RP1L1: variants seen among roughly 807,000 people sequenced by gnomAD.
The protein encoded by RP1L1 is RP1 like 1.
A neutral mutation model predicts 15.7 loss-of-function variants in RP1L1; 27 were observed. That is an observed-to-expected ratio of 1.72 (90% confidence interval 1.27 to 2.38). The LOEUF (loss-of-function observed/expected upper bound fraction) is 2.38, where lower values mean the gene tolerates loss of function less well. RP1L1 is among the 30% of genes most tolerant of loss of function. The probability of loss-of-function intolerance (pLI) is 0.00; values close to 1 mark genes in which losing one functional copy is unlikely to be tolerated. For synonymous variants in RP1L1, 1,813 were observed against 1,276.7 expected (o/e 1.42, Z -8.96); for missense variants, 4,798 against 3,075.9 (o/e 1.56, Z -13.24).
chr8:10,643,347 A>G (rs1335711789), intron 1 of RP1L1, among the ~76,000 whole-genome samples: 1 of 152,106 alleles, frequency 6.6e-6, no homozygotes, highest in Non-Finnish European at 1.5e-5. Flanking sequence ...CTAGAAAAAA[A>G]AATTGTTTTA....
Position 10,610,391 on chromosome 8 carries a change from T to C in RP1L1, c.3707A>G (p.Asn1236Ser). ...QGTELPLKTS[N>S]QRPDSRTYES... The stretch of plus-strand genomic sequence containing the variant: ...ATAAGTTCTTGAATCAGGCCTCTGG[T>C]TGGAGGTTTTCAGGGGCAGCTCTGT... The change falls in exon 4 of 4, where the codon AAC becomes AGC. Residue 1236 changes from asparagine to serine, a missense_variant. Physicochemically the swap from Asn to Ser is conservative, Grantham distance 46 (BLOSUM62 1). Coordinates refer to ENST00000382483, the MANE Select transcript of RP1L1 (RefSeq NM_178857.6). The C allele has an allele frequency of 6.2e-7, 1 of 1,614,044 alleles. No homozygotes were observed.
At chr8:10,624,918 C>T (rs1301627329) in intron 1 of RP1L1, among the ~76,000 whole-genome samples, 1 of 152,156 alleles carries the variant, frequency 6.6e-6, no homozygotes, top group Non-Finnish European at 1.5e-5. Context: ...CAGCAAGCAC[C>T]TCACCTTCAG....
intron 1 of RP1L1, among the ~76,000 whole-genome samples, chr8:10,626,378 C>T (rs144225033): frequency 6.6e-5 from 10 of 152,260 alleles, no homozygotes; most frequent in Admixed American, 2.0e-4. Flanking sequence ...CGCGGATCAC[C>T]GAAAGAAGCC....
chr8:10,623,456 G>C lies in RP1L1; in HGVS notation c.-19-236C>G, dbSNP rs181095924. Among the ~76,000 whole-genome samples, 359 of 152,168 alleles carry C rather than the reference G, an allele frequency of 2.4e-3. 3 individuals carry two copies. The highest frequency in any genetic ancestry group is 2.5e-3 in the Non-Finnish European group (167 of 68,002). On this transcript the variant is annotated intron_variant, in intron 1 of 3. Coordinates refer to ENST00000382483, the MANE Select transcript of RP1L1 (RefSeq NM_178857.6). ...TGCTTGAGCTCAGGAGTTTGAGGCT[G>C]TCCCCAGCATTACCATGTTCCCACC...
chr8:10,638,782 C>T (rs1390367308), intron 1 of RP1L1, among the ~76,000 whole-genome samples: 1 of 152,098 alleles, frequency 6.6e-6, no homozygotes, highest in Non-Finnish European at 1.5e-5. Context: ...CCATTTGCTG[C>T]CCAGTGGATC....
chr8:10,619,242 A>G (rs1025238784), intron 2 of RP1L1, among the ~76,000 whole-genome samples: 3 of 152,228 alleles, frequency 2.0e-5, no homozygotes, highest in Non-Finnish European at 4.4e-5. Flanking sequence ...TAAATGCGAA[A>G]TAAGTCCCAC....
intron 1 of RP1L1, among the ~76,000 whole-genome samples, chr8:10,629,453 T>C (rs187981873): frequency 2.6e-5 from 4 of 152,286 alleles, no homozygotes; most frequent in Admixed American, 2.6e-4. Context: ...TCGATTTCTT[T>C]GGGGTGGTCC....
intron 1 of RP1L1, among the ~76,000 whole-genome samples, chr8:10,624,107 G>T (rs1246564149): frequency 2.0e-5 from 3 of 152,212 alleles, no homozygotes; most frequent in Non-Finnish European, 1.5e-5. Flanking sequence ...AAACGTGGAA[G>T]GTTTTCTTCT....
In RP1L1 at chr8:10,623,269, G is replaced by A. The variant is rs1025535471; in HGVS notation, c.-19-49C>T. The A allele has an allele frequency of 7.2e-6, 10 of 1,392,538 alleles. No homozygotes were observed. The East Asian group carries it at 2.1e-4, about 29-fold the overall frequency. 86.3% of individuals were successfully genotyped at this position (1,392,538 alleles called of 1,614,324 possible). A position where few individuals can be genotyped will look rare whatever the true frequency, so the allele number is the denominator to read the frequency against. Reference sequence around the variant, plus strand: ...GGTCAGAGAGCAGCTTGGGGGATTGGCATTTCCTGTCTCTTCCCGTCTTTC... The same window carrying A: ...GGTCAGAGAGCAGCTTGGGGGATTGACATTTCCTGTCTCTTCCCGTCTTTC... On this transcript the variant is annotated intron_variant, in intron 1 of 3. Transcript: ENST00000382483.
rs781205150 is a variant in RP1L1 at position 10,610,834 on chromosome 8, C to A, written c.3264G>T (p.Ala1088=). 2.5e-6 allele frequency: 4 copies of A among 1,607,402 alleles called. No individual in the cohort carries two copies. Among genetic ancestry groups the A allele is most frequent in the Admixed American group, 1.7e-5 (1 of 59,738 alleles). ...GCCGGCCCTGCTTGGAGCCCATCAG[C>A]GCCCTCATGATCTGCGTGGAGGCAG... is the stretch of plus-strand genomic sequence containing the variant. ...RVSASTQIMR[A]LMGSKQGRPS... The change falls in exon 4 of 4, where the codon GCG becomes GCT. Residue 1088 remains alanine, a synonymous_variant. Coordinates refer to ENST00000382483, the MANE Select transcript of RP1L1 (RefSeq NM_178857.6).
chr8:10,623,318 A>G, intron 1 of RP1L1, 98 bp from the exon 2 acceptor site: 2 of 892,806 alleles, frequency 2.2e-6, no homozygotes, highest in Non-Finnish European at 1.7e-6. Flanking sequence ...TGCCCACCCC[A>G]AATGTGCTCC....
At chr8:10,648,958 C>A (rs1798519695) in intron 1 of RP1L1, among the ~76,000 whole-genome samples, 1 of 152,230 alleles carries the variant, frequency 6.6e-6, no homozygotes, top group South Asian at 2.1e-4. Context: ...CAGGGACATC[C>A]ACTGCCCAGG....
rs760184558 is a variant in RP1L1, at chr8:10,613,255, G to T, written c.843C>A (p.Ser281Arg). ...CAGGAGCAGGGCCCACCGGGGGGTT[G>T]CTAGGACCAGGCCTTTCTGGCAGCC... Reference protein sequence around the residue: ...TPRLPERPGPSNPPVGPAPGR... With the variant: ...TPRLPERPGPRNPPVGPAPGR... The change falls in exon 4 of 4, where the codon AGC becomes AGA. Residue 281 changes from serine to arginine, a missense_variant. Physicochemically the swap from Ser to Arg is moderately radical, Grantham distance 110. Transcript: ENST00000382483. The T allele has an allele frequency of 6.2e-7, 1 of 1,611,050 alleles. No homozygotes were observed. Among genetic ancestry groups the T allele is most frequent in the Non-Finnish European group, 8.5e-7 (1 of 1,180,006 alleles).
intron 1 of RP1L1, 125 bp from the exon 2 acceptor site, chr8:10,623,345 G>C (rs1328033674): frequency 1.4e-6 from 1 of 725,574 alleles, no homozygotes; most frequent in African/African-American, 1.8e-5. Context: ...CTATGGAGAG[G>C]CAAGTGAATC....
chr8:10,635,001 T>C (rs1331312998), intron 1 of RP1L1, among the ~76,000 whole-genome samples: 2 of 152,196 alleles, frequency 1.3e-5, no homozygotes, highest in African/African-American at 4.8e-5. Flanking sequence ...AGTCACTTTT[T>C]CCCTGCAGTG....
Position 10,624,489 on chromosome 8 carries a change from C to T in RP1L1, c.-19-1269G>A, listed in dbSNP as rs570492892. Among the ~76,000 whole-genome samples the T allele has an allele frequency of 1.2e-4, 19 of 152,320 alleles. No homozygotes were observed. The South Asian group carries it at 3.9e-3, about 32-fold the overall frequency. On this transcript the variant is annotated intron_variant, in intron 1 of 3. Transcript: ENST00000382483. ...TCCTGGAGGAGGTGATGCAGAGACT[C>T]CTGAGCTGAAGCCTAAAAACAACTT...
intron 1 of RP1L1, among the ~76,000 whole-genome samples, chr8:10,626,921 T>TA (rs1331855876): frequency 6.6e-6 from 1 of 151,608 alleles, no homozygotes; most frequent in Non-Finnish European, 1.5e-5. Context: ...ACGTGACTCG[T>TA]AAAAAAAAGG....
chr8:10,631,761 G>A (rs920796295), intron 1 of RP1L1, among the ~76,000 whole-genome samples: 2 of 152,198 alleles, frequency 1.3e-5, no homozygotes, highest in African/African-American at 4.8e-5. Flanking sequence ...GTTGGAGGCC[G>A]AAGGGAAGCA....
At chr8:10,639,315 C>T (rs944007169) in intron 1 of RP1L1, among the ~76,000 whole-genome samples, 4 of 152,246 alleles carry the variant, frequency 2.6e-5, no homozygotes, top group Admixed American at 2.0e-4. Flanking sequence ...AATCTGCCCG[C>T]GTGGCTCTAT....
Sources: gnomAD v4.1 joint callset for allele counts (sites outside exome capture counted in the v4.1 genomes callset) on GRCh38, gnomAD v4.1.1 for gene constraint, MANE v1.5 for transcripts, NCBI Gene and HGNC (gene_info 2026-07-23, HGNC 2026-07-21) for gene names.